The following STAMBP variants were observed in gnomAD, a reference collection of about 807,000 sequenced individuals.
STAMBP encodes the protein STAM binding protein.
STAMBP carries 31 observed loss-of-function variants against 50.7 expected under a neutral mutation model. The observed-to-expected ratio is 0.61, with a 90% CI of 0.46 to 0.83. The LOEUF is 0.83. Among genes scored for constraint, STAMBP ranks in the 40% least tolerant of loss-of-function variants. The probability of loss-of-function intolerance (pLI) is 0.00; values close to 1 mark genes in which losing one functional copy is unlikely to be tolerated. For missense variants in STAMBP, 472 were observed against 518.9 expected (o/e 0.91, Z 0.88); for synonymous variants, 211 against 192.4 (o/e 1.10, Z -0.80).
chr2:73,871,846 C>T (rs1679213063), downstream of STAMBP, among the ~76,000 whole-genome samples: 1 of 152,124 alleles, frequency 6.6e-6, no homozygotes, highest in South Asian at 2.1e-4. Flanking sequence ...CAGCTCACCG[C>T]AACCTCTACC....
At position 73,859,957 on chromosome 2, in the gene STAMBP, G is replaced by T. The variant is rs190148290; in HGVS notation, c.1119-95G>T. 99 of 829,124 alleles carry T rather than the reference G, an allele frequency of 1.2e-4. No individual in the cohort carries two copies. The East Asian group carries it at 2.1e-3, about 17-fold the overall frequency. 51.4% of individuals were successfully genotyped at this position (829,124 alleles called of 1,614,324 possible). On this transcript the variant is annotated intron_variant, in intron 8 of 9. Transcript: ENST00000394070. ...GTCTCACAATGACCTCTGCCCTGCT[G>T]TGTGAGTGTGCATGCTGGTGTGTGT... is the stretch of plus-strand genomic sequence containing the variant.
chr2:73,834,484 A>C (rs1040477518), intron 2 of STAMBP, among the ~76,000 whole-genome samples: 1 of 151,784 alleles, frequency 6.6e-6, no homozygotes, highest in Non-Finnish European at 1.5e-5. Flanking sequence ...ACTATTTGTT[A>C]AGTGGAAGTG....
At chr2:73,836,610 G>T (rs570996669) in intron 2 of STAMBP, among the ~76,000 whole-genome samples, 48 of 152,354 alleles carry the variant, frequency 3.2e-4, no homozygotes, top group African/African-American at 1.1e-3. Flanking sequence ...TGACTGGTGA[G>T]AACACTCCGC....
In STAMBP at chr2:73,830,839, T is replaced by C. The variant is rs1673813517; in HGVS notation, c.-12-6T>C. 6.2e-7 allele frequency: 1 copy of C among 1,610,436 alleles called. No individual in the cohort carries two copies. Among genetic ancestry groups the C allele is most frequent in the Admixed American group, 1.7e-5 (1 of 59,856 alleles). On this transcript the variant is annotated splice_region_variant and splice_polypyrimidine_tract_variant and intron_variant, in intron 1 of 9. Coordinates refer to ENST00000394070, the MANE Select transcript of STAMBP (RefSeq NM_213622.4). Reference sequence around the variant, plus strand: ...GTATTGATGCCATCTGTTTTTTCTGTCTCAGAACTTGGTCCTGATGTCTGA... The same window carrying C: ...GTATTGATGCCATCTGTTTTTTCTGCCTCAGAACTTGGTCCTGATGTCTGA...
At chr2:73,838,905 G>T (rs1211083692) in intron 2 of STAMBP, among the ~76,000 whole-genome samples, 1 of 152,144 alleles carries the variant, frequency 6.6e-6, no homozygotes, top group South Asian at 2.1e-4. Context: ...TTCTGATTCT[G>T]TGAACAGAAA....
At chr2:73,869,152 T>C (rs1679095885), downstream of STAMBP, among the ~76,000 whole-genome samples, 1 of 152,182 alleles carries the variant, frequency 6.6e-6, no homozygotes, top group Non-Finnish European at 1.5e-5. Context: ...TGAAAAATGG[T>C]CAGACCTATT....
chr2:73,865,203 TA>T lies in STAMBP; in HGVS notation c.*2945del, dbSNP rs1678756867. On this transcript the variant is annotated 3_prime_UTR_variant, in exon 10 of 10. Coordinates refer to ENST00000394070, the MANE Select transcript of STAMBP (RefSeq NM_213622.4). ...TATTGGGGTTGAGAAGAATGGAGGC[TA>T]TTAGGAGCAAAGCTTTAATGAGTGA... The T allele has an allele frequency of 2.0e-5, 3 of 152,240 alleles. No individual in the cohort carries two copies. The highest frequency in any genetic ancestry group is 6.5e-5 in the Admixed American group (1 of 15,284). The allele number at this position is 152,240 out of a possible 1,614,324, so 9.4% of individuals were successfully genotyped here.
chr2:73,859,950 C>T, intron 8 of STAMBP, 102 bp from the exon 9 acceptor site: 1 of 774,202 alleles, frequency 1.3e-6, no homozygotes, highest in Non-Finnish European at 2.2e-6. Context: ...ATGACCTCTG[C>T]CCTGCTGTGT....
chr2:73,843,289 C>G (rs916877120), intron 2 of STAMBP, among the ~76,000 whole-genome samples: 2 of 147,172 alleles, frequency 1.4e-5, no homozygotes, highest in African/African-American at 5.1e-5. Context: ...CCTCAGACTT[C>G]TGGGATCGAG....
chr2:73,850,411 C>T lies in STAMBP; in HGVS notation c.903C>T (p.Ile301=), dbSNP rs1397869568. The change falls in exon 7 of 10, where the codon ATC becomes ATT. Residue 301 remains isoleucine (I), a synonymous_variant. Coordinates refer to ENST00000394070, the MANE Select transcript of STAMBP (RefSeq NM_213622.4). This position sits in a 1 kb window ranked among gnomAD's most constrained non-coding sequence, Gnocchi z 4.3. ...AATTTACCATTACCCATGTTCTCAT[C>T]CCCAAGCAAAGTGCTGGGTCTGATT... ...RNEFTITHVL[I]PKQSAGSDYC... is the part of the protein sequence containing the mutation. 1 of 1,613,312 alleles carries T rather than the reference C, an allele frequency of 6.2e-7. No individual in the cohort carries two copies. Among genetic ancestry groups the T allele is most frequent in the Non-Finnish European group, 8.5e-7 (1 of 1,179,744 alleles).
In STAMBP at chr2:73,849,470, A is replaced by C; in HGVS notation, c.850A>C (p.Ile284Leu). The change falls in exon 6 of 10, where the codon ATT becomes CTT. Residue 284 changes from isoleucine (I) to leucine (L), a missense_variant. Coordinates refer to ENST00000394070, the MANE Select transcript of STAMBP (RefSeq NM_213622.4). ...NTARGVETCG[I>L]LCGKLMRNEF... is the part of the protein sequence containing the mutation. ...TGCCCGGGGAGTGGAGACATGTGGA[A>C]TTCTCTGTGGAAAACTGGTAAAAAG... 6.2e-7 allele frequency: 1 copy of C among 1,601,858 alleles called. No homozygotes were observed.
intron 2 of STAMBP, among the ~76,000 whole-genome samples, chr2:73,842,697 C>T (rs1241502254): frequency 6.6e-6 from 1 of 152,058 alleles, no homozygotes; most frequent in Non-Finnish European, 1.5e-5. Context: ...TGTCATTGTG[C>T]TTAAAGTCAC....
intron 7 of STAMBP, among the ~76,000 whole-genome samples, chr2:73,858,620 C>T (rs749551676): frequency 6.6e-6 from 1 of 152,090 alleles, no homozygotes; most frequent in Non-Finnish European, 1.5e-5. Flanking sequence ...GTGTATAATA[C>T]ATTGTGATGA....
At chr2:73,836,810 G>A (rs1674770270) in intron 2 of STAMBP, among the ~76,000 whole-genome samples, 1 of 152,188 alleles carries the variant, frequency 6.6e-6, no homozygotes, top group African/African-American at 2.4e-5. Flanking sequence ...TGCACACTGG[G>A]GAGGGGCTGC....
intron 2 of STAMBP, among the ~76,000 whole-genome samples, chr2:73,831,285 C>T (rs1249551053): frequency 2.0e-5 from 3 of 152,222 alleles, no homozygotes; most frequent in East Asian, 1.9e-4. Flanking sequence ...TTGGCCTATG[C>T]CCACATAGCC....
chr2:73,847,176 C>T (rs920256662), intron 4 of STAMBP, among the ~76,000 whole-genome samples: 3 of 151,854 alleles, frequency 2.0e-5, no homozygotes, highest in African/African-American at 7.3e-5. Context: ...TTTAATTGTC[C>T]TTGGAGATAG....
Position 73,847,536 on chromosome 2 carries a change from A to T in STAMBP, c.525A>T (p.Glu175Asp). The T allele has an allele frequency of 6.2e-7, 1 of 1,614,168 alleles. No individual in the cohort carries two copies. Among genetic ancestry groups the T allele is most frequent in the Non-Finnish European group, 8.5e-7 (1 of 1,180,048 alleles). ...FEEMIRNQEL[E>D]KERLKIVQEF... Reference sequence around the variant, plus strand: ...AGATGATCCGGAACCAGGAGCTAGAAAAAGAGCGACTGAAAATTGTACAGG... The same window carrying T: ...AGATGATCCGGAACCAGGAGCTAGATAAAGAGCGACTGAAAATTGTACAGG... Residue 175 changes from glutamate (E) to aspartate (D), a missense_variant, in exon 5 of 10, where the codon GAA becomes GAT. Transcript: ENST00000394070.
At chr2:73,849,093 G>T (rs1212515682) in intron 5 of STAMBP, among the ~76,000 whole-genome samples, 1 of 152,178 alleles carries the variant, frequency 6.6e-6, no homozygotes, top group African/African-American at 2.4e-5. Flanking sequence ...TTTTCTTAAG[G>T]TAGTAGTTTG....
chr2:73,832,686 G>A (rs1048675264), intron 2 of STAMBP, among the ~76,000 whole-genome samples: 9 of 152,082 alleles, frequency 5.9e-5, no homozygotes, highest in African/African-American at 2.2e-4. Flanking sequence ...TTTGTGGTGG[G>A]AGCTGTCCTG....
Sources: gnomAD v4.1 joint callset for allele counts (sites outside exome capture counted in the v4.1 genomes callset) on GRCh38, gnomAD v4.1.1 for gene constraint, Gnocchi (gnomAD v3.1) non-coding constraint, MANE v1.5 for transcripts, NCBI Gene and HGNC (gene_info 2026-07-23, HGNC 2026-07-21) for gene names.